Variants in TWSG1 observed in about 807,000 individuals in gnomAD.
TWSG1 encodes the protein twisted gastrulation protein homolog 1.
Under a neutral mutation model 23.0 loss-of-function variants are expected in TWSG1, and 15 were observed. The observed-to-expected ratio is 0.65, with a 90% CI of 0.44 to 1.00. The LOEUF is 1.00. TWSG1 is among the 50% of genes least tolerant of loss of function. The pLI is 0.00. For synonymous variants in TWSG1, 86 were observed against 92.8 expected, an observed-to-expected ratio of 0.93 and a Z score of 0.42; for missense variants, 242 against 278.7, an observed-to-expected ratio of 0.87 and a Z score of 0.94.
chr18:9,373,860 C>G (rs1411211011), intron 3 of TWSG1, among the ~76,000 whole-genome samples: 1 of 152,116 alleles, frequency 6.6e-6, no homozygotes, highest in Non-Finnish European at 1.5e-5. Flanking sequence ...AATGTCTGCT[C>G]TCAGACTACA....
intron 3 of TWSG1, among the ~76,000 whole-genome samples, chr18:9,364,842 A>G (rs1178032507): frequency 2.0e-5 from 3 of 152,078 alleles, no homozygotes; most frequent in Admixed American, 6.6e-5. Context: ...ATGATTTTCT[A>G]TTTTTATCAT....
At chr18:9,355,587 A>G (rs1353084062) in intron 2 of TWSG1, among the ~76,000 whole-genome samples, 2 of 152,236 alleles carry the variant, frequency 1.3e-5, no homozygotes, top group African/African-American at 4.8e-5. Flanking sequence ...ACTGCTATTT[A>G]TAATTATTTG....
intron 3 of TWSG1, among the ~76,000 whole-genome samples, chr18:9,369,572 C>T (rs2145615820): frequency 6.6e-6 from 1 of 152,080 alleles, no homozygotes; most frequent in South Asian, 2.1e-4. Context: ...GGGCCCTTTG[C>T]CCATTTTTTA....
chr18:9,365,072 G>C (rs1009452763), intron 3 of TWSG1, among the ~76,000 whole-genome samples: 2 of 152,136 alleles, frequency 1.3e-5, no homozygotes, highest in African/African-American at 4.8e-5. Flanking sequence ...TGTAATTCCA[G>C]CACGTTGGGA....
intron 3 of TWSG1, among the ~76,000 whole-genome samples, chr18:9,384,207 G>A (rs925314754): frequency 2.4e-4 from 36 of 152,168 alleles, no homozygotes; most frequent in Non-Finnish European, 4.1e-4. Flanking sequence ...TGGGAGCCAG[G>A]AATAACCTTT....
In TWSG1 at chr18:9,360,061, T is replaced by C; in HGVS notation, c.213T>C (p.Cys71=). Residue 71 remains cysteine, a synonymous_variant, in exon 3 of 5, where the codon TGT becomes TGC. Transcript: ENST00000262120. Reference sequence around the variant, plus strand: ...TTGGGGCCCTTTGGGACGAGTGCTGTGACTGTGTTGGTAAGTTGATACCAA... The same window carrying C: ...TTGGGGCCCTTTGGGACGAGTGCTGCGACTGTGTTGGTAAGTTGATACCAA... ...LCLGALWDEC[C]DCVGMCNPRN... 1.2e-6 allele frequency: 2 copies of C among 1,613,206 alleles called. No individual in the cohort carries two copies. The highest frequency in any genetic ancestry group is 1.7e-6 in the Non-Finnish European group (2 of 1,179,372).
At chr18:9,385,759 T>C (rs989120123) in intron 3 of TWSG1, among the ~76,000 whole-genome samples, 1 of 150,836 alleles carries the variant, frequency 6.6e-6, no homozygotes, top group Non-Finnish European at 1.5e-5. Flanking sequence ...GGAGGAAATA[T>C]TTAGGACATA....
At chr18:9,363,820 G>T (rs547133882) in intron 3 of TWSG1, among the ~76,000 whole-genome samples, 3 of 150,562 alleles carry the variant, frequency 2.0e-5, no homozygotes, top group African/African-American at 4.9e-5. Flanking sequence ...TACAGATGGG[G>T]TTTCACCATG....
chr18:9,363,012 A>G (rs2040559607), intron 3 of TWSG1, among the ~76,000 whole-genome samples: 1 of 152,162 alleles, frequency 6.6e-6, no homozygotes, highest in African/African-American at 2.4e-5. Flanking sequence ...CTCTCTTAAC[A>G]TCCTTTGCAA....
At chr18:9,364,084 T>G (rs2145610959) in intron 3 of TWSG1, among the ~76,000 whole-genome samples, 1 of 152,364 alleles carries the variant, frequency 6.6e-6, no homozygotes, top group East Asian at 1.9e-4. Flanking sequence ...GTTTCTTTTA[T>G]TCTAAAACAG....
intron 3 of TWSG1, among the ~76,000 whole-genome samples, chr18:9,391,547 T>C (rs1182357002): frequency 6.6e-6 from 1 of 152,222 alleles, no homozygotes. Flanking sequence ...CCACAACAGT[T>C]ATCAATTGAG....
At chr18:9,379,492 A>G (rs2040646453) in intron 3 of TWSG1, among the ~76,000 whole-genome samples, 1 of 152,116 alleles carries the variant, frequency 6.6e-6, no homozygotes, top group Admixed American at 6.6e-5. Flanking sequence ...GAGGGGAACA[A>G]CAGACACTGA....
intron 2 of TWSG1, among the ~76,000 whole-genome samples, chr18:9,354,075 T>G (rs555252595): frequency 6.6e-6 from 1 of 152,352 alleles, no homozygotes; most frequent in East Asian, 1.9e-4. Flanking sequence ...GTAATAACTG[T>G]AATTATTAAA....
chr18:9,377,920 T>C (rs1329234600), intron 3 of TWSG1, among the ~76,000 whole-genome samples: 1 of 152,162 alleles, frequency 6.6e-6, no homozygotes, highest in Non-Finnish European at 1.5e-5. Flanking sequence ...GGTTTTGCCA[T>C]GTTGCCCAGG....
At chr18:9,366,245 C>A (rs1206021077) in intron 3 of TWSG1, among the ~76,000 whole-genome samples, 3 of 152,154 alleles carry the variant, frequency 2.0e-5, no homozygotes, top group Admixed American at 6.5e-5. Context: ...CTGCTGAAAA[C>A]CTGCTTAGCA....
At position 9,360,085 on chromosome 18, in the gene TWSG1, A is replaced by G. The variant is rs907870915; in HGVS notation, c.223+14A>G. ...GTGACTGTGTTGGTAAGTTGATACC[A>G]AGGGAGACTTCTTAATATTTCTTAT... is the stretch of plus-strand genomic sequence containing the variant. On this transcript the variant is annotated intron_variant, in intron 3 of 4. Coordinates refer to ENST00000262120, the MANE Select transcript of TWSG1 (RefSeq NM_020648.6). 3 of 1,596,066 alleles carry G rather than the reference A, an allele frequency of 1.9e-6. No homozygotes were observed. Among genetic ancestry groups the G allele is most frequent in the Admixed American group, 1.7e-5 (1 of 59,554 alleles).
intron 3 of TWSG1, among the ~76,000 whole-genome samples, chr18:9,376,324 A>G (rs1254270216): frequency 6.6e-6 from 1 of 152,242 alleles, no homozygotes; most frequent in African/African-American, 2.4e-5. Flanking sequence ...GACACAGAAT[A>G]GCCAACACAA....
chr18:9,363,751 A>G (rs1353231502), intron 3 of TWSG1, among the ~76,000 whole-genome samples: 3 of 151,766 alleles, frequency 2.0e-5, no homozygotes, highest in Non-Finnish European at 4.4e-5. Context: ...TCAGCCTCCC[A>G]GGTAGCTGGG....
At chr18:9,343,684 T>G (rs567145604) in intron 2 of TWSG1, among the ~76,000 whole-genome samples, 1 of 152,334 alleles carries the variant, frequency 6.6e-6, no homozygotes, top group African/African-American at 2.4e-5. Context: ...TGTGTCTGAC[T>G]TCTTTCATTG....
Sources: gnomAD v4.1 joint callset for allele counts (sites outside exome capture counted in the v4.1 genomes callset) on GRCh38, gnomAD v4.1.1 for gene constraint, MANE v1.5 for transcripts, NCBI Gene and HGNC (gene_info 2026-07-23, HGNC 2026-07-21) for gene names.